Variants in TAF6L observed in about 807,000 individuals in gnomAD.
TAF6L encodes TAF6-like RNA polymerase II p300/CBP-associated factor-associated factor 65 kDa subunit 6L.
Under a neutral mutation model 57.3 loss-of-function variants are expected in TAF6L, and 34 were observed. The ratio of observed to expected loss-of-function variants is 0.59; its 90% CI spans 0.45 to 0.79. TAF6L has a LOEUF of 0.79. Ranked by LOEUF, TAF6L falls within the 30% of genes least tolerant of loss-of-function variation. The probability of loss-of-function intolerance (pLI) is 0.00; values close to 1 mark genes in which losing one functional copy is unlikely to be tolerated. For synonymous variants in TAF6L, 417 were observed against 376.3 expected (o/e 1.11, Z -1.25); for missense variants, 782 against 853.2 (o/e 0.92, Z 1.04).
At chr11:62,786,214 A>G (rs369124964) in intron 9 of TAF6L, 46 bp from the exon 10 acceptor site, 22 of 1,581,792 alleles carry the variant, frequency 1.4e-5, no homozygotes, top group Non-Finnish European at 1.9e-5. Context: ...TTGAGAGGGA[A>G]TAAGTATCAA....
rs766199228 is a variant in TAF6L, at chr11:62,775,927, G to A, written c.144G>A (p.Thr48=). Reference sequence around the variant, plus strand: ...TGTGCTATCGTCTGAGAGAGGCCACGCAGGTACACTCCCCTCACCCCCTGA... The same window carrying A: ...TGTGCTATCGTCTGAGAGAGGCCACACAGGTACACTCCCCTCACCCCCTGA... ...EDVCYRLREA[T]QNSSQFMKHT... Residue 48 remains threonine, a synonymous_variant, in exon 2 of 11, where the codon ACG becomes ACA. Coordinates refer to ENST00000294168, the MANE Select transcript of TAF6L (RefSeq NM_006473.4). The A allele has an allele frequency of 6.2e-6, 10 of 1,607,236 alleles. No homozygotes were observed. Among genetic ancestry groups the A allele is most frequent in the South Asian group, 2.2e-5 (2 of 90,294 alleles).
chr11:62,776,289 T>C (rs766568968), intron 2 of TAF6L, 95 bp from the exon 3 acceptor site: 1 of 1,279,962 alleles, frequency 7.8e-7, no homozygotes, highest in Non-Finnish European at 1.1e-6. Context: ...TGGTCTCCTG[T>C]TTGCCTTCTC....
chr11:62,787,275 C>T lies in TAF6L; in HGVS notation c.1848C>T (p.Tyr616=), dbSNP rs755834474. 1.1e-5 allele frequency: 17 copies of T among 1,553,122 alleles called. No individual in the cohort carries two copies. The highest frequency in any genetic ancestry group is 1.3e-5 in the Non-Finnish European group (15 of 1,158,342). The change falls in exon 11 of 11, where the codon TAC becomes TAT. Residue 616 remains tyrosine, a synonymous_variant. Coordinates refer to ENST00000294168, the MANE Select transcript of TAF6L (RefSeq NM_006473.4). ...RPARRWALSD[Y]SLYLPL is the part of the protein sequence containing the mutation. Reference sequence around the variant, plus strand: ...CCCGCCGGTGGGCGCTCTCGGACTACTCGCTGTACTTGCCGCTCTGAGTCA... The same window carrying T: ...CCCGCCGGTGGGCGCTCTCGGACTATTCGCTGTACTTGCCGCTCTGAGTCA...
intron 9 of TAF6L, among the ~76,000 whole-genome samples, chr11:62,785,695 C>T (rs2084267924): frequency 6.6e-6 from 1 of 151,904 alleles, no homozygotes; most frequent in African/African-American, 2.4e-5. Context: ...CTACTGCGCC[C>T]AGCTAATTTT....
intron 6 of TAF6L, 45 bp from the exon 7 acceptor site, chr11:62,781,849 A>G: frequency 6.5e-7 from 1 of 1,540,612 alleles, no homozygotes; most frequent in South Asian, 1.1e-5. Flanking sequence ...TTCATGTTTT[A>G]CAATTTTCTG....
At chr11:62,778,432 T>G in intron 5 of TAF6L, 97 bp downstream of exon 5, 1 of 1,402,408 alleles carries the variant, frequency 7.1e-7, no homozygotes, top group Non-Finnish European at 1.0e-6. Context: ...GTCTAACATG[T>G]GTTTACCCAT....
rs1307175737 is a variant in TAF6L at position 62,787,068 on chromosome 11, C to G, written c.1641C>G (p.Phe547Leu). 6.5e-7 allele frequency: 1 copy of G among 1,528,740 alleles called. No individual in the cohort carries two copies. Among genetic ancestry groups the G allele is most frequent in the South Asian group, 1.2e-5 (1 of 83,316 alleles). 94.7% of individuals were successfully genotyped at this position (1,528,740 alleles called of 1,614,324 possible). A position where few individuals can be genotyped will look rare whatever the true frequency, so the allele number is the denominator to read the frequency against. ...QGPGTGTRDVFQKSRFAPRGA... is the reference protein window; with the variant it reads ...QGPGTGTRDVLQKSRFAPRGA... ...CCGGGACCGGCACCCGCGACGTTTT[C>G]CAGAAGAGCCGTTTCGCCCCGCGCG... The change falls in exon 11 of 11, where the codon TTC becomes TTG. Residue 547 changes from phenylalanine to leucine, a missense_variant. By Grantham distance (22) the Phe-to-Leu change is conservative. Around this residue, in one of 3 missense-constraint regions of TAF6L, gnomAD observed 483 missense variants for 445.1 expected, o/e 1.09. Coordinates refer to ENST00000294168, the MANE Select transcript of TAF6L (RefSeq NM_006473.4).
chr11:62,776,850 G>GAA (rs71056563), intron 3 of TAF6L, among the ~76,000 whole-genome samples: 12 of 68,202 alleles, frequency 1.8e-4, no homozygotes, highest in East Asian at 9.8e-4. Flanking sequence ...CTCAAAAAAA[G>GAA]AAAAAAAAAA....
rs553298284 is a variant in TAF6L at position 62,787,164 on chromosome 11, G to T, written c.1737G>T (p.Gln579His). 6.3e-7 allele frequency: 1 copy of T among 1,581,116 alleles called. No homozygotes were observed. Among genetic ancestry groups the T allele is most frequent in the Admixed American group, 1.7e-5 (1 of 57,988 alleles). Residue 579 changes from glutamine to histidine, a missense_variant, in exon 11 of 11, where the codon CAG becomes CAT. Around this residue, in one of 3 missense-constraint regions of TAF6L, gnomAD observed 483 missense variants for 445.1 expected, o/e 1.09. Coordinates refer to ENST00000294168, the MANE Select transcript of TAF6L (RefSeq NM_006473.4). ...GGCGCTGCCGCGGGCGCCTTTTCCA[G>T]ACTGCCTTCCCCGCGCCGTACGGGC... ...AGRRCRGRLF[Q>H]TAFPAPYGPS...
At chr11:62,774,468 G>T (rs549536528) in intron 1 of TAF6L, 64 of 415,802 alleles carry the variant, frequency 1.5e-4, no homozygotes, top group Non-Finnish European at 2.8e-4. Context: ...TAGGGACCTG[G>T]ACGTCACTGG....
In TAF6L at chr11:62,782,845, T is replaced by C; in HGVS notation, c.960+20T>C. The C allele has an allele frequency of 2.5e-6, 4 of 1,613,122 alleles. No homozygotes were observed. The highest frequency in any genetic ancestry group is 1.1e-5 in the South Asian group (1 of 91,048). ...TGGAAGGTGAGCACCCTGGCCTTTC[T>C]CACACAGCCGTAAGAACTCCCATTT... is the stretch of plus-strand genomic sequence containing the variant. On this transcript the variant is annotated intron_variant, in intron 9 of 10. Transcript: ENST00000294168.
In TAF6L at chr11:62,786,807, G is replaced by C; in HGVS notation, c.1380G>C (p.Gln460His). The change falls in exon 11 of 11, where the codon CAG becomes CAC. Residue 460 changes from glutamine (Q) to histidine (H), a missense_variant. By Grantham distance (24) the Gln-to-His change is conservative. Around this residue, in one of 3 missense-constraint regions of TAF6L, gnomAD observed 483 missense variants for 445.1 expected, o/e 1.09. Coordinates refer to ENST00000294168, the MANE Select transcript of TAF6L (RefSeq NM_006473.4). ...TGGCCACACGCTTTGGCACCGGCCAGCCTGCACCCACGGCTCCGCGGCCGC... is the reference window on the plus strand; with the variant it reads ...TGGCCACACGCTTTGGCACCGGCCACCCTGCACCCACGGCTCCGCGGCCGC... ...DSLATRFGTGQPAPTAPRPPG... is the reference protein window; with the variant it reads ...DSLATRFGTGHPAPTAPRPPG... The C allele has an allele frequency of 6.2e-7, 1 of 1,608,984 alleles. No individual in the cohort carries two copies.
At chr11:62,784,997 C>G (rs1021853649) in intron 9 of TAF6L, among the ~76,000 whole-genome samples, 1 of 151,888 alleles carries the variant, frequency 6.6e-6, no homozygotes, top group Non-Finnish European at 1.5e-5. Flanking sequence ...AGATTTAGAT[C>G]ATCTTTTTCT....
In TAF6L at chr11:62,786,555, A is replaced by C. The variant is rs1469313198; in HGVS notation, c.1128A>C (p.Ala376=). ...GACTGCTGAAGATGAAGGCCCAGGCAGCAGAGCCCAACAGGGGTGGCCCAG... is the reference window on the plus strand; with the variant it reads ...GACTGCTGAAGATGAAGGCCCAGGCCGCAGAGCCCAACAGGGGTGGCCCAG... ...VERLLKMKAQ[A]AEPNRGGPGG... The change falls in exon 11 of 11, where the codon GCA becomes GCC. Residue 376 remains alanine (A), a synonymous_variant. Transcript: ENST00000294168. 3.2e-6 allele frequency: 5 copies of C among 1,557,568 alleles called. No individual in the cohort carries two copies. Among genetic ancestry groups the C allele is most frequent in the Non-Finnish European group, 4.3e-6 (5 of 1,150,884 alleles).
chr11:62,775,910 C>T lies in TAF6L; in HGVS notation c.127C>T (p.Arg43Cys), dbSNP rs1284882457. 3.7e-6 allele frequency: 6 copies of T among 1,612,242 alleles called. No homozygotes were observed. The highest frequency in any genetic ancestry group is 4.2e-6 in the Non-Finnish European group (5 of 1,179,014). ...AALLAEDVCY[R>C]LREATQNSSQ... ...GCTGCTCGCAGAGGACGTGTGCTAT[C>T]GTCTGAGAGAGGCCACGCAGGTACA... is the stretch of plus-strand genomic sequence containing the variant. The change falls in exon 2 of 11, where the codon CGT becomes TGT. Residue 43 changes from arginine (R) to cysteine (C), a missense_variant. Around this residue, in one of 3 missense-constraint regions of TAF6L, gnomAD observed 220 missense variants for 252.1 expected, o/e 0.87. Coordinates refer to ENST00000294168, the MANE Select transcript of TAF6L (RefSeq NM_006473.4).
In TAF6L at chr11:62,781,950, T is replaced by G. The variant is rs2084233132; in HGVS notation, c.588T>G (p.Phe196Leu). 5 of 1,614,046 alleles carry G rather than the reference T, an allele frequency of 3.1e-6. No homozygotes were observed. Among genetic ancestry groups the G allele is most frequent in the Non-Finnish European group, 4.2e-6 (5 of 1,180,024 alleles). Reference protein sequence around the residue: ...NSKIGALLPYFVYVVSGVKSV... With the variant: ...NSKIGALLPYLVYVVSGVKSV... ...AGATTGGGGCACTCCTGCCTTACTT[T>G]GTTTATGTGGTCAGTGGGGTAAGTG... Residue 196 changes from phenylalanine to leucine, a missense_variant, in exon 7 of 11, where the codon TTT becomes TTG. By Grantham distance (22) the Phe-to-Leu change is conservative. This residue lies in a region of TAF6L where 79 missense variants were observed against 156.0 expected (regional missense o/e 0.51). Transcript: ENST00000294168.
chr11:62,777,095 T>G (rs1488429908), intron 3 of TAF6L, among the ~76,000 whole-genome samples: 1 of 148,472 alleles, frequency 6.7e-6, no homozygotes, highest in Non-Finnish European at 1.5e-5. Context: ...TGCAGTGAGC[T>G]GAGATTGTGC....
intron 2 of TAF6L, 64 bp downstream of exon 2, chr11:62,775,994 A>G (rs1252803528): frequency 8.5e-6 from 13 of 1,526,374 alleles, no homozygotes; most frequent in South Asian, 1.3e-5. Flanking sequence ...ACTAACCTCC[A>G]CCCTCGCTGA....
intron 9 of TAF6L, among the ~76,000 whole-genome samples, chr11:62,784,772 G>C (rs1323729709): frequency 6.6e-6 from 1 of 152,102 alleles, no homozygotes; most frequent in African/African-American, 2.4e-5. Flanking sequence ...ACTATGTCAT[G>C]GGATAGTCGT....
Sources: allele counts gnomAD v4.1 joint callset (sites outside exome capture counted in the v4.1 genomes callset), GRCh38; gene constraint gnomAD v4.1.1; regional missense constraint gnomAD v4.1.1; transcripts MANE v1.5; gene names NCBI Gene and HGNC (gene_info 2026-07-23, HGNC 2026-07-21).